The following BMP7 variants were observed in gnomAD, a reference collection of about 807,000 sequenced individuals.
BMP7 encodes the protein bone morphogenetic protein 7.
A neutral mutation model predicts 41.2 loss-of-function variants in BMP7; 12 were observed. The ratio of observed to expected loss-of-function variants is 0.29; its 90% CI spans 0.19 to 0.47. The LOEUF is 0.47. BMP7 is among the 20% of genes least tolerant of loss of function. BMP7 has a pLI of 0.99. For missense variants in BMP7, 467 were observed against 606.0 expected, an observed-to-expected ratio of 0.77 and a Z score of 2.41; for synonymous variants, 248 against 250.0, an observed-to-expected ratio of 0.99 and a Z score of 0.07.
At position 57,226,187 on chromosome 20, in the gene BMP7, A is replaced by G. The variant is rs564841854; in HGVS notation, c.611+2042T>C. Reference sequence around the variant, plus strand: ...TCAGGCAAGACAGCAGAGGCACCACAGACCATGATGGGACCAGGTGCCCAC... The same window carrying G: ...TCAGGCAAGACAGCAGAGGCACCACGGACCATGATGGGACCAGGTGCCCAC... On this transcript the variant is annotated intron_variant, in intron 2 of 6. Transcript: ENST00000395863. Among the ~76,000 whole-genome samples, 3 of 152,378 alleles carry G rather than the reference A, an allele frequency of 2.0e-5. No individual in the cohort carries two copies. In the East Asian group the frequency reaches 5.8e-4, roughly 29 times the overall value.
Position 57,265,887 on chromosome 20 carries a change from G to C in BMP7, c.236C>G (p.Ala79Gly). ...RPHLQGKHNSAPMFMLDLYNA... is the reference protein window; with the variant it reads ...RPHLQGKHNSGPMFMLDLYNA... ...GTACAGGTCCAGCATGAACATGGGTGCCGAGTTGTGCTTGCCCTGGAGGTG... is the reference window on the plus strand; with the variant it reads ...GTACAGGTCCAGCATGAACATGGGTCCCGAGTTGTGCTTGCCCTGGAGGTG... Residue 79 changes from alanine (A) to glycine (G), a missense_variant, in exon 1 of 7, where the codon GCA (alanine) becomes GGA (glycine). Around this residue, in one of 2 missense-constraint regions of BMP7, gnomAD observed 407 missense variants for 485.9 expected, o/e 0.84. Transcript: ENST00000395863. 1 of 1,599,790 alleles carries C rather than the reference G, an allele frequency of 6.3e-7. No homozygotes were observed. Among genetic ancestry groups the C allele is most frequent in the East Asian group, 2.3e-5 (1 of 44,322 alleles).
intron 3 of BMP7, among the ~76,000 whole-genome samples, chr20:57,201,716 C>T (rs1194025028): frequency 6.6e-6 from 1 of 152,166 alleles, no homozygotes; most frequent in Admixed American, 6.5e-5. Flanking sequence ...AAACCATCAC[C>T]ACTGAATTTT....
rs770163557 is a variant in BMP7, at chr20:57,265,970, C to G, written c.153G>C (p.Arg51=). Residue 51 remains arginine, a synonymous_variant, in exon 1 of 7, where the codon CGG becomes CGC. Coordinates refer to ENST00000395863, the MANE Select transcript of BMP7 (RefSeq NM_001719.3). ...AGAGGATCTCGCGCTGCATCTCCCGCCGCTCCTGGCTGCGGAGGCGCCGGT... is the reference window on the plus strand; with the variant it reads ...AGAGGATCTCGCGCTGCATCTCCCGGCGCTCCTGGCTGCGGAGGCGCCGGT... ...FIHRRLRSQE[R]REMQREILSI... The G allele has an allele frequency of 2.8e-5, 43 of 1,551,464 alleles. No homozygotes were observed. The highest frequency in any genetic ancestry group is 1.2e-4 in the Admixed American group (6 of 51,074).
rs1984984511 is a variant in BMP7 at position 57,215,245 on chromosome 20, C to A, written c.612-12622G>T. Among the ~76,000 whole-genome samples the A allele has an allele frequency of 6.6e-6, 1 of 152,164 alleles. No individual in the cohort carries two copies. The highest frequency in any genetic ancestry group is 1.5e-5 in the Non-Finnish European group (1 of 68,026). On this transcript the variant is annotated intron_variant, in intron 2 of 6. Transcript: ENST00000395863. This position sits in a 1 kb window ranked among gnomAD's most constrained non-coding sequence, Gnocchi z 4.2. ...GCTGTCAAATTACCTCAAATTGACC[C>A]CTCACTGGAAACTGCCAGGCTGCAT...
chr20:57,177,062 G>C (rs1334973310), intron 4 of BMP7, among the ~76,000 whole-genome samples: 1 of 152,120 alleles, frequency 6.6e-6, no homozygotes, highest in Non-Finnish European at 1.5e-5. Flanking sequence ...CTGCAAATTA[G>C]GACACCTCCT....
rs2066025015 is a variant in BMP7, at chr20:57,230,483, G to T, written c.419-2062C>A. ...CCCAAAAGGTGAGCAGCCCGAGGAA[G>T]TGAGTACAATCCCGCATAGGTAGGT... On this transcript the variant is annotated intron_variant, in intron 1 of 6. Transcript: ENST00000395863. 6.6e-5 allele frequency among the ~76,000 whole-genome samples: 10 copies of T among 151,908 alleles called. No individual in the cohort carries two copies. In the South Asian group the frequency reaches 2.1e-3, roughly 32 times the overall value.
intron 1 of BMP7, among the ~76,000 whole-genome samples, chr20:57,263,974 C>A (rs2066163671): frequency 6.6e-6 from 1 of 152,274 alleles, no homozygotes; most frequent in South Asian, 2.1e-4. Flanking sequence ...AGCACACATG[C>A]AGCCCACTCA....
rs1422727143 is a variant in BMP7 at position 57,261,020 on chromosome 20, AC to A, written c.418+4684del. ...CTTGCAATGGGCCAAATATGACCTTACCAAATGAGGGAGAGATATTAAAGTG... is the reference window on the plus strand; with the variant it reads ...CTTGCAATGGGCCAAATATGACCTTACAAATGAGGGAGAGATATTAAAGTG... On this transcript the variant is annotated intron_variant, in intron 1 of 6. Transcript: ENST00000395863. This position sits in a 1 kb window ranked among gnomAD's most constrained non-coding sequence, Gnocchi z 4.1. 1.3e-5 allele frequency among the ~76,000 whole-genome samples: 2 copies of A among 152,204 alleles called. No homozygotes were observed. Among genetic ancestry groups the A allele is most frequent in the Admixed American group, 6.5e-5 (1 of 15,284 alleles).
At chr20:57,216,682 G>A (rs1985040006) in intron 2 of BMP7, among the ~76,000 whole-genome samples, 1 of 152,172 alleles carries the variant, frequency 6.6e-6, no homozygotes, top group South Asian at 2.1e-4. Context: ...CTCCTCAGTG[G>A]GTCAGAGAAA....
intron 3 of BMP7, chr20:57,187,252 A>G (rs1463960538): frequency 2.0e-5 from 3 of 152,316 alleles, no homozygotes; most frequent in Middle Eastern, 3.4e-3. Flanking sequence ...GAGAGAGGCA[A>G]GTTGTATGCT....
At chr20:57,198,068 CCTCCT>C (rs1454983745) in intron 3 of BMP7, among the ~76,000 whole-genome samples, 2 of 150,140 alleles carry the variant, frequency 1.3e-5, no homozygotes, top group Non-Finnish European at 3.0e-5. Context: ...TCTCCTCTCC[CCTCCT>C]CTCCTCTCGC....
At chr20:57,262,907 T>A (rs898281878) in intron 1 of BMP7, among the ~76,000 whole-genome samples, 2 of 152,236 alleles carry the variant, frequency 1.3e-5, no homozygotes, top group Admixed American at 1.3e-4. Context: ...GCAAACTCAG[T>A]GGCCAGACAA....
At chr20:57,230,057 C>T (rs2066023133) in intron 1 of BMP7, among the ~76,000 whole-genome samples, 1 of 152,114 alleles carries the variant, frequency 6.6e-6, no homozygotes, top group South Asian at 2.1e-4. Context: ...GGAGAGACCT[C>T]GGGAAGATGA....
Position 57,169,126 on chromosome 20 carries a change from A to T in BMP7, c.*1833T>A, listed in dbSNP as rs1196456274. On this transcript the variant is annotated 3_prime_UTR_variant, in exon 7 of 7. Transcript: ENST00000395863. ...CTGCCAGCAAATGAAACCAAACATA[A>T]CAAAAAATACTCCTCCCCAGTGACT... 2 of 152,228 alleles carry T rather than the reference A, an allele frequency of 1.3e-5. No individual in the cohort carries two copies. The highest frequency in any genetic ancestry group is 4.8e-5 in the African/African-American group (2 of 41,452). The allele number at this position is 152,228 out of a possible 1,614,324, so 9.4% of individuals were successfully genotyped here.
At chr20:57,254,832 C>T (rs1156788924) in intron 1 of BMP7, among the ~76,000 whole-genome samples, 4 of 152,126 alleles carry the variant, frequency 2.6e-5, no homozygotes, top group African/African-American at 7.2e-5. Context: ...CGGAAAAAAA[C>T]TGTTTCTGTG....
intron 3 of BMP7, among the ~76,000 whole-genome samples, chr20:57,195,742 A>G (rs1019509579): frequency 1.3e-5 from 2 of 152,214 alleles, no homozygotes; most frequent in African/African-American, 4.8e-5. Flanking sequence ...AATCCTTTAA[A>G]TGCTCTGCAA....
At chr20:57,194,288 C>A (rs1011872424) in intron 3 of BMP7, among the ~76,000 whole-genome samples, 1 of 152,172 alleles carries the variant, frequency 6.6e-6, no homozygotes, top group African/African-American at 2.4e-5. Context: ...TGTTGATACT[C>A]TAGCCCAGGG....
chr20:57,236,845 T>C (rs1416999367), intron 1 of BMP7, among the ~76,000 whole-genome samples: 1 of 151,976 alleles, frequency 6.6e-6, no homozygotes, highest in African/African-American at 2.4e-5. Flanking sequence ...AGGGGAACCG[T>C]CAGCCCAGGC....
At chr20:57,201,605 C>A (rs1984622283) in intron 3 of BMP7, among the ~76,000 whole-genome samples, 1 of 152,228 alleles carries the variant, frequency 6.6e-6, no homozygotes, top group Non-Finnish European at 1.5e-5. Context: ...ATGTATTGTT[C>A]ATAGCTCCAA....
Sources: allele counts gnomAD v4.1 joint callset (sites outside exome capture counted in the v4.1 genomes callset), GRCh38; gene constraint gnomAD v4.1.1; regional missense constraint gnomAD v4.1.1; non-coding constraint Gnocchi (gnomAD v3.1); transcripts MANE v1.5; gene names NCBI Gene and HGNC (gene_info 2026-07-23, HGNC 2026-07-21).